The following ZNF790 variants were observed in gnomAD, a reference collection of about 807,000 sequenced individuals.
The protein encoded by ZNF790 is zinc finger protein 790.
ZNF790 carries 8 observed loss-of-function variants against 12.1 expected under a neutral mutation model. The observed-to-expected ratio is 0.66, with a 90% CI of 0.39 to 1.19. ZNF790 has a LOEUF of 1.19. Among genes scored for constraint, ZNF790 ranks in the 50% most tolerant of loss-of-function variants. The probability of loss-of-function intolerance (pLI) is 0.01; values close to 1 mark genes in which losing one functional copy is unlikely to be tolerated. For missense variants in ZNF790, 707 were observed against 752.2 expected, an observed-to-expected ratio of 0.94 and a Z score of 0.70; for synonymous variants, 252 against 244.3, an observed-to-expected ratio of 1.03 and a Z score of -0.29.
At chr19:36,844,058 T>G (rs1315041210) in intron 1 of ZNF790, among the ~76,000 whole-genome samples, 1 of 147,166 alleles carries the variant, frequency 6.8e-6, no homozygotes, top group Non-Finnish European at 1.5e-5. Context: ...GGGTGACTGA[T>G]TCCTGTAATC....
intron 1 of ZNF790, among the ~76,000 whole-genome samples, chr19:36,835,704 T>A (rs2146077767): frequency 6.6e-6 from 1 of 152,182 alleles, no homozygotes; most frequent in East Asian, 1.9e-4. Context: ...GGTAGGGCTG[T>A]GTTCCTTTCT....
At chr19:36,846,304 G>T (rs1203011115) in intron 1 of ZNF790, among the ~76,000 whole-genome samples, 4 of 152,058 alleles carry the variant, frequency 2.6e-5, no homozygotes, top group African/African-American at 9.7e-5. Context: ...CACGCCTGTA[G>T]TCCCAGCACT....
chr19:36,839,151 T>C (rs2072105938), upstream of ZNF790, among the ~76,000 whole-genome samples: 1 of 152,252 alleles, frequency 6.6e-6, no homozygotes, highest in Non-Finnish European at 1.5e-5. Context: ...AGTACACACT[T>C]GCCAGTTTTC....
rs1487899739 is a variant in ZNF790 at position 36,819,632 on chromosome 19, G to A, written c.712C>T (p.Arg238Cys). Residue 238 changes from arginine to cysteine, a missense_variant, in exon 5 of 5, where the codon CGT (arginine) becomes TGT (cysteine). Arg to Cys is a radical substitution (Grantham distance 180, BLOSUM62 -3). Transcript: ENST00000356725. Reference protein sequence around the residue: ...CKECGKSFSLRSSLTGHKRIH... With the variant: ...CKECGKSFSLCSSLTGHKRIH... ...CTCTTATGACCAGTAAGACTCGAAC[G>A]TAAACTAAAAGACTTCCCACATTCT... 5.0e-6 allele frequency: 8 copies of A among 1,606,228 alleles called. No homozygotes were observed. The highest frequency in any genetic ancestry group is 2.2e-5 in the East Asian group (1 of 44,744).
chr19:36,824,178 T>C (rs2071745348), intron 2 of ZNF790, among the ~76,000 whole-genome samples: 1 of 151,840 alleles, frequency 6.6e-6, no homozygotes, highest in South Asian at 2.1e-4. Context: ...TTGTATTTTT[T>C]AGTAGAGACG....
Position 36,819,713 on chromosome 19 carries a change from A to C in ZNF790, c.631T>G (p.Ser211Ala), listed in dbSNP as rs1211106905. The C allele has an allele frequency of 1.9e-6, 3 of 1,613,612 alleles. No homozygotes were observed. In the East Asian group the frequency reaches 6.7e-5, roughly 36 times the overall value. ...ACTGTCTGATATTGAATAACTTCTGAATCAGGAAGAAAGGTATTCCCACAT... is the reference window on the plus strand; with the variant it reads ...ACTGTCTGATATTGAATAACTTCTGCATCAGGAAGAAAGGTATTCCCACAT... ...KECGNTFLPD[S>A]EVIQYQTVHT... is the part of the protein sequence containing the mutation. Residue 211 changes from serine (S) to alanine (A), a missense_variant, in exon 5 of 5, where the codon TCA (serine) becomes GCA (alanine). Coordinates refer to ENST00000356725, the MANE Select transcript of ZNF790 (RefSeq NM_206894.4).
intron 1 of ZNF790, chr19:36,837,819 T>A (rs2072076664): frequency 6.6e-6 from 1 of 152,226 alleles, no homozygotes; most frequent in Non-Finnish European, 1.5e-5. Flanking sequence ...TTGAACTATG[T>A]TGTCTACACT....
In ZNF790 at chr19:36,818,293, TGC is replaced by T; in HGVS notation, c.*138_*139del. The T allele has an allele frequency of 2.9e-6, 2 of 696,290 alleles. No homozygotes were observed. Among genetic ancestry groups the T allele is most frequent in the Non-Finnish European group, 4.4e-6 (2 of 456,486 alleles). 43.1% of individuals were successfully genotyped at this position (696,290 alleles called of 1,614,324 possible). On this transcript the variant is annotated 3_prime_UTR_variant, in exon 5 of 5. Coordinates refer to ENST00000356725, the MANE Select transcript of ZNF790 (RefSeq NM_206894.4). ...ATGATGAATTCTCTGCTGCTGCTGC[TGC>T]TGCTGCTGCTGGATGTGTGCTCTGT...
intron 4 of ZNF790, among the ~76,000 whole-genome samples, chr19:36,822,148 C>T (rs953457233): frequency 4.0e-5 from 6 of 151,798 alleles, no homozygotes; most frequent in Admixed American, 3.3e-4. Context: ...TAAGAAAATC[C>T]ATAAATGTTG....
intron 1 of ZNF790, among the ~76,000 whole-genome samples, chr19:36,836,087 T>C (rs2072039268): frequency 1.3e-5 from 2 of 152,010 alleles, no homozygotes; most frequent in Admixed American, 1.3e-4. Flanking sequence ...TAAGCTTCCT[T>C]CTTTCTGAGA....
At chr19:36,848,942 C>T (rs558126882) in intron 1 of ZNF790, among the ~76,000 whole-genome samples, 16 of 152,222 alleles carry the variant, frequency 1.1e-4, no homozygotes, top group African/African-American at 3.9e-4. Context: ...TACAGGTGCA[C>T]ACCACCACGC....
chr19:36,844,025 A>AAAT (rs2072153989), intron 1 of ZNF790, among the ~76,000 whole-genome samples: 1 of 131,026 alleles, frequency 7.6e-6, no homozygotes, highest in African/African-American at 3.2e-5. Context: ...AAAAAAAATT[A>AAAT]AAAAAAAAAA....
chr19:36,818,874 A>G lies in ZNF790; in HGVS notation c.1470T>C (p.Gly490=), dbSNP rs2071600747. The G allele has an allele frequency of 6.2e-7, 1 of 1,613,590 alleles. No individual in the cohort carries two copies. The highest frequency in any genetic ancestry group is 8.5e-7 in the Non-Finnish European group (1 of 1,179,890). Residue 490 remains glycine, a synonymous_variant, in exon 5 of 5, where the codon GGT becomes GGC. Transcript: ENST00000356725. The part of the protein sequence containing the change: ...CKECGKTFFR[G]SELNRHQKIH... ...TTTTCTGGTGTCGATTAAGTTCTGA[A>G]CCACGAAAAAAGGTCTTTCCACATT...
In ZNF790 at chr19:36,819,344, C is replaced by T. The variant is rs1300294746; in HGVS notation, c.1000G>A (p.Gly334Ser). 1 of 1,612,426 alleles carries T rather than the reference C, an allele frequency of 6.2e-7. No individual in the cohort carries two copies. Among genetic ancestry groups the T allele is most frequent in the Non-Finnish European group, 8.5e-7 (1 of 1,179,012 alleles). Reference protein sequence around the residue: ...HLIKHQRIHTGEKPYECKECG... With the variant: ...HLIKHQRIHTSEKPYECKECG... The stretch of plus-strand genomic sequence containing the variant: ...TCCTTACATTCATAAGGTTTTTCAC[C>T]AGTGTGAATTCTCTGATGTTTAATA... The change falls in exon 5 of 5, where the codon GGT becomes AGT. Residue 334 changes from glycine to serine, a missense_variant. Coordinates refer to ENST00000356725, the MANE Select transcript of ZNF790 (RefSeq NM_206894.4).
chr19:36,820,964 T>C (rs190889988), intron 4 of ZNF790, among the ~76,000 whole-genome samples: 43 of 149,802 alleles, frequency 2.9e-4, no homozygotes, highest in African/African-American at 8.1e-4. Flanking sequence ...TAGTTACATA[T>C]GTATACATGT....
rs1325376712 is a variant in ZNF790 at position 36,844,734 on chromosome 19, T to C, written c.-74+5268A>G. ...ATTTCAGACAGACCATGAGAATCCA[T>C]TGCCATCAGAACACCACTAAAAGAA... is the stretch of plus-strand genomic sequence containing the variant. On this transcript the variant is annotated intron_variant, in intron 1 of 4. Coordinates refer to the ZNF790 transcript ENST00000528994. Among the ~76,000 whole-genome samples, 4 of 152,100 alleles carry C rather than the reference T, an allele frequency of 2.6e-5. No homozygotes were observed. The East Asian group carries it at 7.7e-4, about 29-fold the overall frequency.
rs181076245 is a variant in ZNF790 at position 36,829,203 on chromosome 19, G to A, written c.-73-3511C>T. On this transcript the variant is annotated intron_variant, in intron 1 of 4. Coordinates refer to ENST00000356725, the MANE Select transcript of ZNF790 (RefSeq NM_206894.4). ...TGGTTCTTAGTATATTCACAAATAC[G>A]TGCAACCACAGTCAATGTTAGAATA... Among the ~76,000 whole-genome samples, 561 of 152,046 alleles carry A rather than the reference G, an allele frequency of 3.7e-3. 3 individuals are homozygous for A. The highest frequency in any genetic ancestry group is 6.3e-3 in the Non-Finnish European group (427 of 67,958).
rs758441970 is a variant in ZNF790 at position 36,846,324 on chromosome 19, C to T, written c.-74+3678G>A. Among the ~76,000 whole-genome samples, 280 of 152,034 alleles carry T rather than the reference C, an allele frequency of 1.8e-3. 2 individuals carry two copies. Among genetic ancestry groups the T allele is most frequent in the Non-Finnish European group, 2.6e-3 (176 of 67,982 alleles). ...CTGTAGTCCCAGCACTTTGGGAGGA[C>T]GATGCGGGCAGATCACAAGATCACG... On this transcript the variant is annotated intron_variant, in intron 1 of 4. Transcript: ENST00000528994.
intron 1 of ZNF790, among the ~76,000 whole-genome samples, chr19:36,830,611 C>A (rs2071927562): frequency 6.6e-6 from 1 of 152,088 alleles, no homozygotes; most frequent in Admixed American, 6.6e-5. Flanking sequence ...TCCTCCTGAA[C>A]CAGTTGAGCT....
Sources: gnomAD v4.1 joint callset for allele counts (sites outside exome capture counted in the v4.1 genomes callset) on GRCh38, gnomAD v4.1.1 for gene constraint, MANE v1.5 for transcripts, NCBI Gene and HGNC (gene_info 2026-07-23, HGNC 2026-07-21) for gene names.